PLCD3: variants seen among roughly 807,000 people sequenced by gnomAD.
The protein encoded by PLCD3 is 1-phosphatidylinositol 4,5-bisphosphate phosphodiesterase delta-3.
Under a neutral mutation model 82.8 loss-of-function variants are expected in PLCD3, and 62 were observed. The ratio of observed to expected loss-of-function variants is 0.75; its 90% CI spans 0.61 to 0.93. The LOEUF is 0.93. PLCD3 is among the 40% of genes least tolerant of loss of function. The pLI is 0.00. For synonymous variants in PLCD3, 478 were observed against 471.8 expected, an observed-to-expected ratio of 1.01 and a Z score of -0.17; for missense variants, 1,023 against 1,103.4, an observed-to-expected ratio of 0.93 and a Z score of 1.03.
rs990011690 is a variant in PLCD3 at position 45,113,602 on chromosome 17, G to C, written c.1832C>G (p.Ala611Gly). 1.5e-5 allele frequency: 23 copies of C among 1,554,582 alleles called. No individual in the cohort carries two copies. The highest frequency in any genetic ancestry group is 1.9e-5 in the Non-Finnish European group (22 of 1,148,860). Residue 611 changes from alanine to glycine, a missense_variant, in exon 12 of 15, where the codon GCC (alanine) becomes GGC (glycine). Ala to Gly is a moderately conservative substitution (Grantham distance 60). Around this residue, in one of 3 missense-constraint regions of PLCD3, gnomAD observed 553 missense variants for 655.7 expected, o/e 0.84. Transcript: ENST00000619929. The part of the protein sequence containing the change: ...EMWNSGCQLV[A>G]LNFQTPGYEM... The stretch of plus-strand genomic sequence containing the variant: ...GTAGCCTGGCGTCTGGAAGTTCAAG[G>C]CCACTGTGGACACAGCAGGGTCAGA...
chr17:45,119,558 C>G (rs1164286350), intron 4 of PLCD3, among the ~76,000 whole-genome samples: 1 of 152,216 alleles, frequency 6.6e-6, no homozygotes, highest in African/African-American at 2.4e-5. Flanking sequence ...CTTAAAAGGT[C>G]TCTCTGGTTC....
intron 10 of PLCD3, 45 bp from the exon 11 acceptor site, chr17:45,114,411 C>T: frequency 6.8e-7 from 1 of 1,480,306 alleles, no homozygotes; most frequent in Non-Finnish European, 9.1e-7. Flanking sequence ...CCGGGGGTCC[C>T]TCACCCAAAG....
rs770262817 is a variant in PLCD3, at chr17:45,113,433, G to C, written c.1995+6C>G. The C allele has an allele frequency of 1.8e-5, 28 of 1,588,488 alleles. No homozygotes were observed. Among genetic ancestry groups the C allele is most frequent in the Non-Finnish European group, 2.2e-5 (26 of 1,167,550 alleles). On this transcript the variant is annotated splice_donor_region_variant and intron_variant, in intron 12 of 14. Transcript: ENST00000619929. ...CCCACACTGGGGCCCGTTCCAGCCT[G>C]CTGACCTGGATGCTGAGAGTGGTTC...
At chr17:45,116,931 G>T in intron 7 of PLCD3, 147 bp from the exon 8 acceptor site, 1 of 1,030,304 alleles carries the variant, frequency 9.7e-7, no homozygotes, top group Non-Finnish European at 1.3e-6. Flanking sequence ...AGGAGGCTGA[G>T]GGCGGCTGCA....
At position 45,110,569 on chromosome 17, in the gene PLCD3, C is replaced by T. The variant is rs1235782779; in HGVS notation, c.*2047G>A. On this transcript the variant is annotated 3_prime_UTR_variant, in exon 15 of 15. Transcript: ENST00000619929. ...CCAGAGAAGCCAAGCAGGATGGGCA[C>T]TCAGCCCTGGGTCTGGTGCTCACCT... is the stretch of plus-strand genomic sequence containing the variant. 1 of 152,276 alleles carries T rather than the reference C, an allele frequency of 6.6e-6. No individual in the cohort carries two copies. The highest frequency in any genetic ancestry group is 2.4e-5 in the African/African-American group (1 of 41,456). The allele number at this position is 152,276 out of a possible 1,614,324, so 9.4% of individuals were successfully genotyped here. A position where few individuals can be genotyped will look rare whatever the true frequency, so the allele number is the denominator to read the frequency against.
intron 1 of PLCD3, among the ~76,000 whole-genome samples, chr17:45,126,455 G>A (rs1598036406): frequency 7.0e-6 from 1 of 143,138 alleles, no homozygotes; most frequent in Admixed American, 7.4e-5. Context: ...CCGGGTTCAA[G>A]TGATTTCCGG....
intron 10 of PLCD3, 124 bp from the exon 11 acceptor site, chr17:45,114,490 C>T (rs1288744299): frequency 1.4e-6 from 1 of 695,038 alleles, no homozygotes; most frequent in Non-Finnish European, 2.3e-6. Flanking sequence ...CCGCTCCTCA[C>T]TCTCTTCTGA....
At position 45,121,254 on chromosome 17, in the gene PLCD3, C is replaced by T; in HGVS notation, c.282G>A (p.Val94=). The T allele has an allele frequency of 6.3e-7, 1 of 1,592,162 alleles. No individual in the cohort carries two copies. Among genetic ancestry groups the T allele is most frequent in the African/African-American group, 1.3e-5 (1 of 74,710 alleles). The change falls in exon 2 of 15, where the codon GTG becomes GTA. Residue 94 remains valine (V), a synonymous_variant. Transcript: ENST00000619929. ...LYRLQEDGLS[V]WFQRRIPRAP... is the part of the protein sequence containing the mutation. ...CACGCGGGATGCGCCGCTGGAACCA[C>T]ACGCTCAGGCCGTCCTCCTGCAGCC...
intron 1 of PLCD3, 60 bp from the exon 2 acceptor site, chr17:45,121,432 T>TC: frequency 7.0e-7 from 1 of 1,430,160 alleles, no homozygotes; most frequent in South Asian, 1.5e-5. Context: ...TCCCCTGCCC[T>TC]CCCCCGCTAG....
chr17:45,129,628 G>A (rs994383131), intron 1 of PLCD3, among the ~76,000 whole-genome samples: 1 of 152,194 alleles, frequency 6.6e-6, no homozygotes, highest in Non-Finnish European at 1.5e-5. Context: ...AGCACCTCCC[G>A]CACAGGGATG....
In PLCD3 at chr17:45,120,408, T is replaced by C. The variant is rs963956972; in HGVS notation, c.601A>G (p.Lys201Glu). The C allele has an allele frequency of 6.2e-7, 1 of 1,613,920 alleles. No individual in the cohort carries two copies. Among genetic ancestry groups the C allele is most frequent in the Non-Finnish European group, 8.5e-7 (1 of 1,179,878 alleles). ...CTCTTGATCTCCTTGAAGCTCATCT[T>C]GCTGTCCTGGTTGGAGTCAGCCCGG... Reference protein sequence around the residue: ...LHRADSNQDSKMSFKEIKSLL... With the variant: ...LHRADSNQDSEMSFKEIKSLL... Residue 201 changes from lysine to glutamate, a missense_variant, in exon 4 of 15, where the codon AAG becomes GAG. Lys to Glu is a moderately conservative substitution (Grantham distance 56). Coordinates refer to ENST00000619929, the MANE Select transcript of PLCD3 (RefSeq NM_133373.5).
At chr17:45,121,800 G>A (rs532028647) in intron 1 of PLCD3, among the ~76,000 whole-genome samples, 2 of 152,186 alleles carry the variant, frequency 1.3e-5, no homozygotes, top group African/African-American at 2.4e-5. Flanking sequence ...GACCAGCCTG[G>A]CCAACATGGT....
At chr17:45,126,494 G>C (rs1030951801) in intron 1 of PLCD3, among the ~76,000 whole-genome samples, 34 of 151,020 alleles carry the variant, frequency 2.3e-4, no homozygotes, top group Admixed American at 7.3e-4. Flanking sequence ...GTAGAGATGG[G>C]GTTTCACCAT....
rs2054295964 is a variant in PLCD3 at position 45,116,872 on chromosome 17, G to T, written c.1261-88C>A. 2.1e-6 allele frequency: 3 copies of T among 1,424,350 alleles called. No individual in the cohort carries two copies. In the South Asian group the frequency reaches 4.6e-5, roughly 22 times the overall value. The allele number at this position is 1,424,350 out of a possible 1,614,324, so 88.2% of individuals were successfully genotyped here. A position where few individuals can be genotyped will look rare whatever the true frequency, so the allele number is the denominator to read the frequency against. On this transcript the variant is annotated intron_variant, in intron 7 of 14. Coordinates refer to ENST00000619929, the MANE Select transcript of PLCD3 (RefSeq NM_133373.5). ...CTGGCTCCCAGACCCTTCAGGACAG[G>T]CAGGCAAAGGCAGGGCTCTGGAGAA...
chr17:45,128,528 C>T (rs919098345), intron 1 of PLCD3, among the ~76,000 whole-genome samples: 1 of 152,230 alleles, frequency 6.6e-6, no homozygotes, highest in Non-Finnish European at 1.5e-5. Context: ...ACTCACCCTG[C>T]GGAAGACATC....
chr17:45,117,727 T>C (rs911802722), intron 7 of PLCD3, among the ~76,000 whole-genome samples: 1 of 152,170 alleles, frequency 6.6e-6, no homozygotes, highest in Non-Finnish European at 1.5e-5. Context: ...TGTCCTTCCC[T>C]CCCCCAAAGG....
intron 1 of PLCD3, among the ~76,000 whole-genome samples, chr17:45,123,957 C>CT (rs1555610213): frequency 2.8e-5 from 1 of 35,160 alleles, no homozygotes; most frequent in Non-Finnish European, 5.8e-5. Flanking sequence ...GCTCACCAGA[C>CT]CCCCCCCCCA....
rs2054280052 is a variant in PLCD3, at chr17:45,115,259, T to A, written c.1561-15A>T. 6.5e-7 allele frequency: 1 copy of A among 1,541,266 alleles called. No homozygotes were observed. The highest frequency in any genetic ancestry group is 1.9e-5 in the Admixed American group (1 of 52,518). Reference sequence around the variant, plus strand: ...ATCTGCTTGGCCTAGGAGACCAGGCTCAGCGGGGTTCAGCTGGCCCCCGCT... The same window carrying A: ...ATCTGCTTGGCCTAGGAGACCAGGCACAGCGGGGTTCAGCTGGCCCCCGCT... On this transcript the variant is annotated splice_polypyrimidine_tract_variant and intron_variant, in intron 9 of 14. Transcript: ENST00000619929.
intron 11 of PLCD3, 25 bp from the exon 12 acceptor site, chr17:45,113,630 A>G (rs1243466656): frequency 2.6e-6 from 4 of 1,551,318 alleles, no homozygotes; most frequent in Middle Eastern, 1.7e-4. Flanking sequence ...GGGTCAGAGC[A>G]GGGGCTCTTA....
Sources: gnomAD v4.1 joint callset for allele counts (sites outside exome capture counted in the v4.1 genomes callset) on GRCh38, gnomAD v4.1.1 for gene constraint, gnomAD v4.1.1 regional missense constraint, MANE v1.5 for transcripts, NCBI Gene and HGNC (gene_info 2026-07-23, HGNC 2026-07-21) for gene names.